SYBU: variants seen among roughly 807,000 people sequenced by gnomAD.
SYBU encodes GOLSYN A protein.
A neutral mutation model predicts 35.9 loss-of-function variants in SYBU; 21 were observed. The observed-to-expected ratio is 0.58, with a 90% CI of 0.41 to 0.84. The LOEUF is 0.84. Among genes scored for constraint, SYBU ranks in the 40% least tolerant of loss-of-function variants. The pLI is 0.00. For synonymous variants in SYBU, 319 were observed against 324.3 expected, an observed-to-expected ratio of 0.98 and a Z score of 0.18; for missense variants, 768 against 848.2, an observed-to-expected ratio of 0.91 and a Z score of 1.17.
intron 1 of SYBU, among the ~76,000 whole-genome samples, chr8:109,669,291 G>C (rs1227684747): frequency 7.3e-6 from 1 of 136,760 alleles, no homozygotes; most frequent in African/African-American, 2.7e-5. Context: ...GCAGTGAGCC[G>C]AGATCACGCC....
Position 109,604,640 on chromosome 8 carries a change from G to C in SYBU, c.427+14202C>G, listed in dbSNP as rs560372873. Among the ~76,000 whole-genome samples the C allele has an allele frequency of 9.8e-5, 15 of 152,306 alleles. 1 individual carries two copies. The highest frequency in any genetic ancestry group is 3.1e-4 in the African/African-American group (13 of 41,568). On this transcript the variant is annotated intron_variant, in intron 3 of 6. Transcript: ENST00000276646. ...CAAAACTTGAGAATGACCCAGTGTT[G>C]CATGGGAAAAATCCCTTTACTGTCC...
chr8:109,582,452 TCC>T (rs1484970604), intron 4 of SYBU, among the ~76,000 whole-genome samples: 1 of 152,154 alleles, frequency 6.6e-6, no homozygotes, highest in African/African-American at 2.4e-5. Context: ...CTTCAGCCCA[TCC>T]CAGATCCTTC....
At chr8:109,620,488 G>C (rs1357981475) in intron 2 of SYBU, among the ~76,000 whole-genome samples, 2 of 152,042 alleles carry the variant, frequency 1.3e-5, no homozygotes, top group African/African-American at 4.8e-5. Flanking sequence ...TCATTTTTTG[G>C]CCTTTATTTC....
chr8:109,629,893 C>T (rs1379250051), intron 2 of SYBU, among the ~76,000 whole-genome samples: 3 of 152,024 alleles, frequency 2.0e-5, no homozygotes, highest in African/African-American at 2.4e-5. Flanking sequence ...CTCTGATGGC[C>T]GGTGATGATG....
chr8:109,614,545 G>A (rs1811524074), intron 3 of SYBU, among the ~76,000 whole-genome samples: 1 of 152,212 alleles, frequency 6.6e-6, no homozygotes, highest in Non-Finnish European at 1.5e-5. Flanking sequence ...TAAAAGCAGG[G>A]ATGCTGTGGA....
chr8:109,607,537 T>C (rs1244053016), intron 3 of SYBU, among the ~76,000 whole-genome samples: 1 of 152,116 alleles, frequency 6.6e-6, no homozygotes. Flanking sequence ...ACCACACCAC[T>C]GGTAAGGCCA....
intron 3 of SYBU, among the ~76,000 whole-genome samples, chr8:109,593,667 A>G (rs1273950663): frequency 6.6e-6 from 1 of 152,228 alleles, no homozygotes; most frequent in Non-Finnish European, 1.5e-5. Flanking sequence ...AACATTTCAC[A>G]ATCCAGCATA....
At chr8:109,614,304 T>C (rs187913030) in intron 3 of SYBU, among the ~76,000 whole-genome samples, 233 of 152,364 alleles carry the variant, frequency 1.5e-3, no homozygotes, top group African/African-American at 5.3e-3. Flanking sequence ...CCCAGCACTG[T>C]CATTTAATGT....
At position 109,644,639 on chromosome 8, in the gene SYBU, G is replaced by T; in HGVS notation, c.21C>A (p.Ser7Arg). The change falls in exon 1 of 7, where the codon AGC (serine) becomes AGA (arginine). Residue 7 changes from serine to arginine, a missense_variant. Coordinates refer to ENST00000276646, the MANE Select transcript of SYBU (RefSeq NM_001099754.2). Reference sequence around the variant, plus strand: ...CGCACTGCCCCGCGCTCCTTACCTTGCTCTCGCGGAGGGGCCCCATCGCGC... The same window carrying T: ...CGCACTGCCCCGCGCTCCTTACCTTTCTCTCGCGGAGGGGCCCCATCGCGC... MGPLRE[S>R]KKEHRVQHHD... The T allele has an allele frequency of 6.5e-7, 1 of 1,534,108 alleles. No homozygotes were observed. Among genetic ancestry groups the T allele is most frequent in the Non-Finnish European group, 8.7e-7 (1 of 1,147,400 alleles).
chr8:109,672,268 C>T (rs1817011746), intron 1 of SYBU, among the ~76,000 whole-genome samples: 1 of 111,184 alleles, frequency 9.0e-6, no homozygotes, highest in Admixed American at 9.0e-5. Flanking sequence ...CAGCTCCGGT[C>T]TGCAGCTCCC....
chr8:109,653,063 T>C (rs995278408), intron 1 of SYBU, among the ~76,000 whole-genome samples: 4 of 152,184 alleles, frequency 2.6e-5, no homozygotes, highest in African/African-American at 9.6e-5. Flanking sequence ...CAATTCACAA[T>C]GACCCAGAGG....
At position 109,586,101 on chromosome 8, in the gene SYBU, A is replaced by G. The variant is rs781574123; in HGVS notation, c.489T>C (p.His163=). The G allele has an allele frequency of 5.0e-6, 8 of 1,612,230 alleles. 1 individual carries two copies. The Admixed American group carries it at 6.7e-5, about 13-fold the overall frequency. ...ACCGCTTGCTTCCCGCAGTCGACAT[A>G]TGGACCTCAGGAGCGGAAATGCTGC... is the stretch of plus-strand genomic sequence containing the variant. ...STGSISAPEV[H]MSTAGSKRSS... The change falls in exon 4 of 7, where the codon CAT becomes CAC. Residue 163 remains histidine (H), a synonymous_variant. Transcript: ENST00000276646.
intron 1 of SYBU, among the ~76,000 whole-genome samples, chr8:109,658,487 T>C (rs1483905888): frequency 6.6e-6 from 1 of 152,226 alleles, no homozygotes; most frequent in Non-Finnish European, 1.5e-5. Flanking sequence ...AATGTGTTCA[T>C]AGTTGGTAGC....
chr8:109,601,225 A>G (rs1160975250), intron 3 of SYBU, among the ~76,000 whole-genome samples: 1 of 152,192 alleles, frequency 6.6e-6, no homozygotes, highest in African/African-American at 2.4e-5. Flanking sequence ...ACATACAAGT[A>G]AAGACCAGGA....
At chr8:109,630,446 G>A (rs996353433) in intron 2 of SYBU, among the ~76,000 whole-genome samples, 113 of 151,984 alleles carry the variant, frequency 7.4e-4, no homozygotes, top group African/African-American at 2.6e-3. Flanking sequence ...AAGAATGAAA[G>A]GATAGAAGCA....
At position 109,587,597 on chromosome 8, in the gene SYBU, G is replaced by A. The variant is rs1004050572; in HGVS notation, c.428-1435C>T. Among the ~76,000 whole-genome samples, 3 of 152,290 alleles carry A rather than the reference G, an allele frequency of 2.0e-5. No individual in the cohort carries two copies. The East Asian group carries it at 5.8e-4, about 29-fold the overall frequency. ...AGGTACAAGATGTGGCCAGACTCTGGCCTACTAGGGAACAGATTTCTCTTT... is the reference window on the plus strand; with the variant it reads ...AGGTACAAGATGTGGCCAGACTCTGACCTACTAGGGAACAGATTTCTCTTT... On this transcript the variant is annotated intron_variant, in intron 3 of 6. Transcript: ENST00000276646.
upstream of SYBU, among the ~76,000 whole-genome samples, chr8:109,683,556 G>A (rs943074692): frequency 6.6e-6 from 1 of 152,138 alleles, no homozygotes; most frequent in Non-Finnish European, 1.5e-5. Context: ...GAAGGGACTT[G>A]CTTTGTTTCA....
intron 1 of SYBU, among the ~76,000 whole-genome samples, chr8:109,690,259 G>A (rs1817616823): frequency 1.3e-5 from 2 of 152,190 alleles, no homozygotes; most frequent in African/African-American, 4.8e-5. Flanking sequence ...TCAGCGACAG[G>A]TGCTACTGCT....
chr8:109,646,468 A>G (rs906678371), upstream of SYBU: 4 of 152,210 alleles, frequency 2.6e-5, no homozygotes, highest in Admixed American at 2.0e-4. Context: ...ATGCCTTTTC[A>G]ATCTACTTAG....
Sources: allele counts gnomAD v4.1 joint callset (sites outside exome capture counted in the v4.1 genomes callset), GRCh38; gene constraint gnomAD v4.1.1; transcripts MANE v1.5; gene names NCBI Gene and HGNC (gene_info 2026-07-23, HGNC 2026-07-21).